PIK3C2G: variants seen among roughly 807,000 people sequenced by gnomAD.
PIK3C2G encodes phosphatidylinositol-4-phosphate 3-kinase catalytic subunit type 2 gamma.
A neutral mutation model predicts 181.1 loss-of-function variants in PIK3C2G; 168 were observed. The ratio of observed to expected loss-of-function variants is 0.93; its 90% CI spans 0.82 to 1.05. The LOEUF is 1.05. Among genes scored for constraint, PIK3C2G ranks in the 50% least tolerant of loss-of-function variants. PIK3C2G has a pLI of 0.00. For missense variants in PIK3C2G, 1,869 were observed against 1,732.8 expected, an observed-to-expected ratio of 1.08 and a Z score of -1.40; for synonymous variants, 573 against 592.2, an observed-to-expected ratio of 0.97 and a Z score of 0.47.
At chr12:18,650,931 G>C (rs1006666980), downstream of PIK3C2G, among the ~76,000 whole-genome samples, 5 of 151,172 alleles carry the variant, frequency 3.3e-5, no homozygotes, top group African/African-American at 1.2e-4. Context: ...TCCTTTCTAT[G>C]CTTACTCTGC....
the PIK3C2G span, chr12:18,684,119 A>C: frequency 2.5e-6 from 4 of 1,610,734 alleles, no homozygotes; most frequent in African/African-American, 1.3e-5. Context: ...TCTAACTTTT[A>C]GGGACATTAC....
intron 14 of PIK3C2G, among the ~76,000 whole-genome samples, chr12:18,388,471 C>T (rs1592133630): frequency 2.0e-5 from 3 of 152,252 alleles, no homozygotes; most frequent in Admixed American, 6.5e-5. Flanking sequence ...CACACGGTTT[C>T]ACCATGTTGG....
intron 5 of PIK3C2G, among the ~76,000 whole-genome samples, chr12:18,301,506 GT>G (rs1373596345): frequency 6.6e-6 from 1 of 151,840 alleles, no homozygotes; most frequent in Non-Finnish European, 1.5e-5. Flanking sequence ...AAAGCTCTTT[GT>G]TATATTTCTT....
chr12:18,607,819 C>A (rs2136581719), intron 30 of PIK3C2G, among the ~76,000 whole-genome samples: 1 of 152,174 alleles, frequency 6.6e-6, no homozygotes, highest in African/African-American at 2.4e-5. Context: ...GGGCTAGTAT[C>A]CAGAATCTAC....
chr12:18,276,898 G>T (rs558835944), intron 1 of PIK3C2G, among the ~76,000 whole-genome samples: 1 of 152,132 alleles, frequency 6.6e-6, no homozygotes, highest in African/African-American at 2.4e-5. Flanking sequence ...CCATATGCAA[G>T]AATCTTTAGG....
intron 22 of PIK3C2G, among the ~76,000 whole-genome samples, chr12:18,500,516 GC>G (rs1941373670): frequency 6.6e-6 from 1 of 152,210 alleles, no homozygotes; most frequent in Non-Finnish European, 1.5e-5. Flanking sequence ...CCACCTAAGG[GC>G]TGAGGAGTGT....
Position 18,645,365 on chromosome 12 carries a change from G to A in PIK3C2G, c.4309-2511G>A, listed in dbSNP as rs114021701. ...ATATTTATCATCTATAATGTGCAAT[G>A]ATTACAGGTTTATAAAACTTCAGTC... is the stretch of plus-strand genomic sequence containing the variant. On this transcript the variant is annotated intron_variant, in intron 32 of 32. Transcript: ENST00000538779. 8.3e-3 allele frequency among the ~76,000 whole-genome samples: 1,268 copies of A among 152,214 alleles called. 22 individuals are homozygous for A. Among genetic ancestry groups the A allele is most frequent in the African/African-American group, 0.029 (1,194 of 41,534 alleles).
In PIK3C2G at chr12:18,546,362, G is replaced by A; in HGVS notation, c.3520G>A (p.Asp1174Asn). The part of the protein sequence containing the change: ...AGLPELSGIQ[D>N]LKYVYNNLRP... ...ACTGCCTGAGCTAAGTGGAATTCAA[G>A]ACCTGAAATATGTGTATAATAATCT... The change falls in exon 26 of 33, where the codon GAC becomes AAC. Residue 1174 changes from aspartate to asparagine, a missense_variant. By Grantham distance (23) the Asp-to-Asn change is conservative. Coordinates refer to ENST00000538779, the MANE Select transcript of PIK3C2G (RefSeq NM_001288772.2). The A allele has an allele frequency of 6.2e-7, 1 of 1,601,624 alleles. No individual in the cohort carries two copies. The highest frequency in any genetic ancestry group is 8.5e-7 in the Non-Finnish European group (1 of 1,173,228).
chr12:18,284,080 G>A (rs950029145), intron 2 of PIK3C2G, among the ~76,000 whole-genome samples: 3 of 152,014 alleles, frequency 2.0e-5, no homozygotes, highest in African/African-American at 7.2e-5. Flanking sequence ...ATGGGTATGG[G>A]TCAGAAGTAG....
chr12:18,266,266 A>C (rs1371989198), intron 1 of PIK3C2G, among the ~76,000 whole-genome samples: 2 of 152,070 alleles, frequency 1.3e-5, no homozygotes, highest in Non-Finnish European at 2.9e-5. Context: ...TCCAACTAAT[A>C]GTTCTATAAT....
chr12:18,534,398 T>G (rs1943729642), intron 24 of PIK3C2G, among the ~76,000 whole-genome samples: 1 of 151,954 alleles, frequency 6.6e-6, no homozygotes, highest in Admixed American at 6.6e-5. Context: ...AAATAATCAC[T>G]CTCTGCATTT....
the PIK3C2G span, among the ~76,000 whole-genome samples, chr12:18,673,830 C>T: frequency 1.7e-3 from 261 of 152,264 alleles, 1 homozygote; most frequent in Admixed American, 4.1e-3. Context: ...CTCAGTTGCT[C>T]ACTGGCTGTT....
upstream of PIK3C2G, among the ~76,000 whole-genome samples, chr12:18,257,782 AAG>A (rs1323746204): frequency 2.0e-5 from 3 of 151,352 alleles, no homozygotes; most frequent in South Asian, 2.1e-4. Flanking sequence ...AAGAAAAAGA[AAG>A]AAAGAGAAAG....
the PIK3C2G span, among the ~76,000 whole-genome samples, chr12:18,663,190 CTT>C: frequency 6.6e-6 from 1 of 151,956 alleles, no homozygotes; most frequent in Admixed American, 6.6e-5. Flanking sequence ...AGGTTCATCA[CTT>C]TTATTCAACA....
the PIK3C2G span, among the ~76,000 whole-genome samples, chr12:18,670,749 G>A: frequency 6.6e-5 from 10 of 152,012 alleles, no homozygotes; most frequent in Non-Finnish European, 1.2e-4. Flanking sequence ...TTATCATCCT[G>A]AACTATTTTA....
chr12:18,516,375 C>T (rs773823560), intron 24 of PIK3C2G, among the ~76,000 whole-genome samples: 6 of 150,844 alleles, frequency 4.0e-5, no homozygotes, highest in South Asian at 2.1e-4. Flanking sequence ...GCTAAAAATA[C>T]GTTTCTCTTC....
the PIK3C2G span, among the ~76,000 whole-genome samples, chr12:18,695,410 T>C: frequency 1.3e-5 from 2 of 152,148 alleles, 1 homozygote; most frequent in South Asian, 4.1e-4. Context: ...TATCAGTGCA[T>C]TGAATGCAAG....
At chr12:18,513,605 A>T (rs1486204729) in intron 24 of PIK3C2G, among the ~76,000 whole-genome samples, 2 of 151,680 alleles carry the variant, frequency 1.3e-5, no homozygotes, top group African/African-American at 4.8e-5. Context: ...CCATTTTTTA[A>T]TGATCCTTTC....
chr12:18,442,760 C>G lies in PIK3C2G; in HGVS notation c.2504+18721C>G, dbSNP rs144785652. 3.8e-3 allele frequency among the ~76,000 whole-genome samples: 578 copies of G among 152,170 alleles called. 3 individuals carry two copies. Among genetic ancestry groups the G allele is most frequent in the African/African-American group, 0.013 (534 of 41,512 alleles). ...ATTGATTAAAATATTTAAGAGTATACCTTTTAAAATGATTAGAAAATTATG... is the reference window on the plus strand; with the variant it reads ...ATTGATTAAAATATTTAAGAGTATAGCTTTTAAAATGATTAGAAAATTATG... On this transcript the variant is annotated intron_variant, in intron 18 of 32. Transcript: ENST00000538779.
Sources: gnomAD v4.1 joint callset for allele counts (sites outside exome capture counted in the v4.1 genomes callset) on GRCh38, gnomAD v4.1.1 for gene constraint, MANE v1.5 for transcripts, NCBI Gene and HGNC (gene_info 2026-07-23, HGNC 2026-07-21) for gene names.